Variants in RNF157 observed in about 807,000 individuals in gnomAD.
RNF157 encodes the protein E3 ubiquitin ligase RNF157.
RNF157 carries 55 observed loss-of-function variants against 88.3 expected under a neutral mutation model. That is an observed-to-expected ratio of 0.62 (90% CI 0.50 to 0.78). The LOEUF (loss-of-function observed/expected upper bound fraction) is 0.78, where lower values mean the gene tolerates loss of function less well. Ranked by LOEUF, RNF157 falls within the 30% of genes least tolerant of loss-of-function variation. RNF157 has a pLI of 0.00. For missense variants in RNF157, 788 were observed against 860.8 expected, an observed-to-expected ratio of 0.92 and a Z score of 1.06; for synonymous variants, 334 against 341.2, an observed-to-expected ratio of 0.98 and a Z score of 0.23.
At chr17:76,210,769 G>C (rs1383882912) in intron 2 of RNF157, among the ~76,000 whole-genome samples, 3 of 151,950 alleles carry the variant, frequency 2.0e-5, no homozygotes, top group Admixed American at 6.6e-5. Context: ...CTACAGGAGA[G>C]AGTAAAAAAC....
intron 2 of RNF157, among the ~76,000 whole-genome samples, chr17:76,203,857 A>T (rs1315661504): frequency 1.5e-5 from 2 of 130,572 alleles, no homozygotes; most frequent in African/African-American, 6.0e-5. Flanking sequence ...AAACTCCGCC[A>T]CCCGGGTTCA....
chr17:76,162,781 A>G, intron 8 of RNF157, 158 bp from the exon 9 acceptor site: 1 of 521,938 alleles, frequency 1.9e-6, no homozygotes, highest in East Asian at 3.3e-5. Flanking sequence ...GCTTTTATTT[A>G]CTTATGTTTT....
chr17:76,227,629 G>A (rs1045181443), intron 1 of RNF157, among the ~76,000 whole-genome samples: 1 of 152,006 alleles, frequency 6.6e-6, no homozygotes, highest in Non-Finnish European at 1.5e-5. Context: ...TGTAATCCCA[G>A]CAGTTTGGGA....
rs373160440 is a variant in RNF157, at chr17:76,210,463, G to A, written c.207+1901C>T. 3.1e-3 allele frequency among the ~76,000 whole-genome samples: 462 copies of A among 150,886 alleles called. 2 individuals carry two copies. Among genetic ancestry groups the A allele is most frequent in the Middle Eastern group, 0.01 (3 of 290 alleles). ...AAATTAGCCGGGTGTAGTGGCGGGT[G>A]CCTGTAGTCCCAGCTACTCAGGAGG... On this transcript the variant is annotated intron_variant, in intron 2 of 18. Transcript: ENST00000269391.
intron 7 of RNF157, 29 bp downstream of exon 7, chr17:76,165,464 CTAAAGGCAA>C (rs2068908214): frequency 6.2e-7 from 1 of 1,609,798 alleles, no homozygotes; most frequent in African/African-American, 1.3e-5. Context: ...AAAGAAAGGG[CTAAAGGCAA>C]TAAAGCGAGG....
rs1016192727 is a variant in RNF157 at position 76,232,305 on chromosome 17, C to G, written c.88+7848G>C. Among the ~76,000 whole-genome samples, 105 of 152,078 alleles carry G rather than the reference C, an allele frequency of 6.9e-4. 1 individual carries two copies. Among genetic ancestry groups the G allele is most frequent in the Middle Eastern group, 3.4e-3 (1 of 294 alleles). On this transcript the variant is annotated intron_variant, in intron 1 of 18. Coordinates refer to ENST00000269391, the MANE Select transcript of RNF157 (RefSeq NM_052916.3). ...TGGGAGGCTGAGGCTGGAGGAGTGC[C>G]TGAGCCCAGTAGGTCGACGCTGCAG...
rs1598376968 is a variant in RNF157 at position 76,144,314 on chromosome 17, A to C, written c.*921T>G. 1 of 149,560 alleles carries C rather than the reference A, an allele frequency of 6.7e-6. No individual in the cohort carries two copies. Among genetic ancestry groups the C allele is most frequent in the Admixed American group, 6.6e-5 (1 of 15,046 alleles). The allele number at this position is 149,560 out of a possible 1,614,324, so 9.3% of individuals were successfully genotyped here. ...CTTAACTGGGGGATTCTCAGATTCA[A>C]GGGCTCCTTCTTTTTTTTTTTTTTT... On this transcript the variant is annotated 3_prime_UTR_variant, in exon 19 of 19. Coordinates refer to ENST00000269391, the MANE Select transcript of RNF157 (RefSeq NM_052916.3).
At chr17:76,231,989 C>T (rs2070200147) in intron 1 of RNF157, among the ~76,000 whole-genome samples, 1 of 152,196 alleles carries the variant, frequency 6.6e-6, no homozygotes, top group African/African-American at 2.4e-5. Flanking sequence ...TAAACAAACT[C>T]ATACGATATA....
At chr17:76,212,163 A>C in intron 2 of RNF157, 1 of 505,432 alleles carries the variant, frequency 2.0e-6, no homozygotes. Context: ...TCTCCCTCAC[A>C]AGACTCCAGG....
At chr17:76,228,257 A>G (rs566669048) in intron 1 of RNF157, among the ~76,000 whole-genome samples, 1 of 152,318 alleles carries the variant, frequency 6.6e-6, no homozygotes, top group Admixed American at 6.5e-5. Flanking sequence ...GGCACACATC[A>G]ATGCGTCTAA....
chr17:76,165,735 T>C (rs562083551), intron 6 of RNF157, among the ~76,000 whole-genome samples, 190 bp from the exon 7 acceptor site: 4 of 152,188 alleles, frequency 2.6e-5, no homozygotes, highest in Non-Finnish European at 5.9e-5. Flanking sequence ...TGGAGTGCGG[T>C]GGCATGATCT....
At chr17:76,178,166 C>A (rs2069134491) in intron 2 of RNF157, among the ~76,000 whole-genome samples, 1 of 152,240 alleles carries the variant, frequency 6.6e-6, no homozygotes, top group Non-Finnish European at 1.5e-5. Flanking sequence ...ATGTTGCAGG[C>A]AAAGAGGAGA....
rs942823930 is a variant in RNF157, at chr17:76,157,882, A to AC, written c.1413+510dup. On this transcript the variant is annotated intron_variant, in intron 13 of 18. Coordinates refer to ENST00000269391, the MANE Select transcript of RNF157 (RefSeq NM_052916.3). The surrounding 1 kb of genome is among the most constrained non-coding windows in gnomAD (Gnocchi z 5.6). ...CATTCTTCCACATGGGCCTCCCGAC[A>AC]CCCCCCACTTACCCCCAGGACTTTC... is the stretch of plus-strand genomic sequence containing the variant. Among the ~76,000 whole-genome samples the AC allele has an allele frequency of 6.0e-5, 9 of 149,684 alleles. No homozygotes were observed. Among genetic ancestry groups the AC allele is most frequent in the African/African-American group, 2.2e-4 (9 of 40,634 alleles).
intron 2 of RNF157, among the ~76,000 whole-genome samples, chr17:76,203,294 AT>A (rs1188694773): frequency 2.0e-5 from 3 of 152,174 alleles, no homozygotes; most frequent in African/African-American, 7.2e-5. Flanking sequence ...TCCCGCCATC[AT>A]TTTTTGAGTC....
chr17:76,202,128 T>TCTCTCTCTCTCACACACACA (rs1250661867), intron 2 of RNF157, among the ~76,000 whole-genome samples: 26 of 134,662 alleles, frequency 1.9e-4, no homozygotes, highest in African/African-American at 7.8e-4. Context: ...TCTCTCTCTC[T>TCTCTCTCTCTCACACACACA]CACACACACA....
In RNF157 at chr17:76,192,887, G is replaced by A. The variant is rs570393896; in HGVS notation, c.208-19097C>T. On this transcript the variant is annotated intron_variant, in intron 2 of 18. Transcript: ENST00000269391. ...GACAGCATCCGCTCTCTTGCACAGG[G>A]TGACTGCGATGGCCATCACTGCAGT... 2.0e-5 allele frequency among the ~76,000 whole-genome samples: 3 copies of A among 149,344 alleles called. No homozygotes were observed. The East Asian group carries it at 5.8e-4, about 29-fold the overall frequency.
At chr17:76,214,912 T>C (rs1358836929) in intron 1 of RNF157, among the ~76,000 whole-genome samples, 3 of 152,214 alleles carry the variant, frequency 2.0e-5, no homozygotes, top group African/African-American at 7.2e-5. Context: ...TGGGAATACA[T>C]TTTAAGTTTG....
chr17:76,152,228 A>G, intron 18 of RNF157, 127 bp downstream of exon 18: 1 of 684,360 alleles, frequency 1.5e-6, no homozygotes, highest in Non-Finnish European at 2.6e-6. Flanking sequence ...GGTCTCCAGC[A>G]CTAGCACACC....
At chr17:76,152,192 A>G (rs2068688633) in intron 18 of RNF157, among the ~76,000 whole-genome samples, 163 bp downstream of exon 18, 2 of 152,210 alleles carry the variant, frequency 1.3e-5, no homozygotes, top group Non-Finnish European at 2.9e-5. Context: ...GGACTCTCCC[A>G]GGCCTTCTTA....
Sources: gnomAD v4.1 joint callset for allele counts (sites outside exome capture counted in the v4.1 genomes callset) on GRCh38, gnomAD v4.1.1 for gene constraint, Gnocchi (gnomAD v3.1) non-coding constraint, MANE v1.5 for transcripts, NCBI Gene and HGNC (gene_info 2026-07-23, HGNC 2026-07-21) for gene names.